The following HMG20A variants were observed in gnomAD, a reference collection of about 807,000 sequenced individuals.
The protein encoded by HMG20A is high mobility group 20A.
HMG20A carries 17 observed loss-of-function variants against 43.9 expected under a neutral mutation model. That is an observed-to-expected ratio of 0.39 (90% CI 0.27 to 0.58). The LOEUF (loss-of-function observed/expected upper bound fraction) is 0.58, where lower values mean the gene tolerates loss of function less well. HMG20A is among the 20% of genes least tolerant of loss of function. The probability of loss-of-function intolerance (pLI) is 0.59; values close to 1 mark genes in which losing one functional copy is unlikely to be tolerated. For missense variants in HMG20A, 341 were observed against 438.2 expected, an observed-to-expected ratio of 0.78 and a Z score of 1.98; for synonymous variants, 132 against 147.5, an observed-to-expected ratio of 0.89 and a Z score of 0.76.
chr15:77,489,959 C>T (rs972385611), downstream of HMG20A, among the ~76,000 whole-genome samples: 1 of 152,138 alleles, frequency 6.6e-6, no homozygotes, highest in African/African-American at 2.4e-5. Flanking sequence ...AACTGAGTGA[C>T]AAGATCTGAT....
At chr15:77,466,769 T>C (rs922095021) in intron 3 of HMG20A, among the ~76,000 whole-genome samples, 2 of 152,206 alleles carry the variant, frequency 1.3e-5, no homozygotes, top group South Asian at 4.1e-4. Context: ...GGGACAGTCA[T>C]ATGCATATGA....
At chr15:77,422,522 A>G (rs564108984) in intron 1 of HMG20A, among the ~76,000 whole-genome samples, 97 of 152,310 alleles carry the variant, frequency 6.4e-4, no homozygotes, top group Non-Finnish European at 1.1e-3. Context: ...AGGCTGAGGC[A>G]GGAGAATTGC....
intron 1 of HMG20A, among the ~76,000 whole-genome samples, chr15:77,457,521 G>T (rs1179477703): frequency 2.0e-5 from 3 of 152,188 alleles, no homozygotes; most frequent in Non-Finnish European, 4.4e-5. Context: ...ACTACATGGG[G>T]TGATGCCCTT....
chr15:77,425,968 G>A (rs1026816940), intron 1 of HMG20A, among the ~76,000 whole-genome samples: 22 of 152,196 alleles, frequency 1.4e-4, no homozygotes, highest in Non-Finnish European at 1.5e-5. Context: ...AATACCTGCT[G>A]TAACATGGAT....
chr15:77,439,863 G>C (rs1200107094), intron 1 of HMG20A, among the ~76,000 whole-genome samples: 1 of 152,010 alleles, frequency 6.6e-6, no homozygotes, highest in Non-Finnish European at 1.5e-5. Context: ...GAGAATTTCA[G>C]TTCCTCTCCA....
the HMG20A span, among the ~76,000 whole-genome samples, chr15:77,490,720 G>A: frequency 6.6e-6 from 1 of 152,170 alleles, no homozygotes; most frequent in African/African-American, 2.4e-5. Context: ...ATGGAGAGAG[G>A]TGCCATGGCC....
At chr15:77,464,637 T>C (rs554790248) in intron 3 of HMG20A, 2 of 327,112 alleles carry the variant, frequency 6.1e-6, no homozygotes, top group East Asian at 6.6e-5. Context: ...GTTGAACAAA[T>C]ACTTGTTGAA....
At chr15:77,516,085 C>G in the HMG20A span, among the ~76,000 whole-genome samples, 1 of 152,186 alleles carries the variant, frequency 6.6e-6, no homozygotes, top group Non-Finnish European at 1.5e-5. Context: ...TTAGGATCCC[C>G]TAGACACTGG....
downstream of HMG20A, among the ~76,000 whole-genome samples, chr15:77,488,545 T>G (rs986019925): frequency 6.6e-6 from 1 of 152,098 alleles, no homozygotes; most frequent in Non-Finnish European, 1.5e-5. Context: ...TAGATCTGAG[T>G]CAGGGTGGGG....
rs1265584427 is a variant in HMG20A at position 77,421,039 on chromosome 15, G to A, written c.-5+35G>A. On this transcript the variant is annotated intron_variant, in intron 1 of 9. Transcript: ENST00000336216. ...CAAGGCGAGCTTGGGGGTGGCCCCA[G>A]TCGAGATGCCCTTCACCCCTTGAAG... is the stretch of plus-strand genomic sequence containing the variant. The A allele has an allele frequency of 1.0e-5, 4 of 398,446 alleles. No homozygotes were observed. The Admixed American group carries it at 1.3e-4, about 13-fold the overall frequency. The allele number at this position is 398,446 out of a possible 1,614,324, so 24.7% of individuals were successfully genotyped here.
the HMG20A span, among the ~76,000 whole-genome samples, chr15:77,512,850 C>T: frequency 6.6e-6 from 1 of 152,020 alleles, no homozygotes; most frequent in Non-Finnish European, 1.5e-5. Context: ...CTGGTAGATA[C>T]CATCTTAGCC....
intron 5 of HMG20A, among the ~76,000 whole-genome samples, chr15:77,471,244 A>G (rs2072805717): frequency 6.6e-6 from 1 of 152,138 alleles, no homozygotes; most frequent in East Asian, 1.9e-4. Flanking sequence ...TTCCGTGTCT[A>G]TTATCAATGA....
the HMG20A span, among the ~76,000 whole-genome samples, chr15:77,504,051 A>T: frequency 4.7e-3 from 713 of 152,328 alleles, 2 homozygotes; most frequent in African/African-American, 0.015. Flanking sequence ...GTGCCTGGGG[A>T]TCTGGAGGAG....
chr15:77,515,993 T>G, the HMG20A span, among the ~76,000 whole-genome samples: 2 of 152,072 alleles, frequency 1.3e-5, no homozygotes, highest in African/African-American at 4.8e-5. Context: ...TGCTGCAAGT[T>G]GCAGATGTGG....
chr15:77,482,026 T>C (rs919205097), intron 9 of HMG20A: 1 of 152,182 alleles, frequency 6.6e-6, no homozygotes, highest in African/African-American at 2.4e-5. Context: ...ACATTTTATA[T>C]ATGAAGAAAC....
At position 77,470,941 on chromosome 15, in the gene HMG20A, A is replaced by AG; in HGVS notation, c.483dup (p.Arg162AlafsTer20). The AG allele has an allele frequency of 6.2e-7, 1 of 1,609,862 alleles. No homozygotes were observed. The highest frequency in any genetic ancestry group is 8.5e-7 in the Non-Finnish European group (1 of 1,178,398). ...CTTGATGAAGCAGACAGAGATAAGG[A>AG]GCGTTACATGAAGGAACTGGAACAG... On this transcript the variant is annotated frameshift_variant, in exon 5 of 10. Transcript: ENST00000336216. LOFTEE classifies it high-confidence loss of function.
the HMG20A span, among the ~76,000 whole-genome samples, chr15:77,507,513 A>C: frequency 6.6e-6 from 1 of 152,316 alleles, no homozygotes; most frequent in African/African-American, 2.4e-5. Flanking sequence ...GGAGAAATCT[A>C]AGTGGGAAAG....
At chr15:77,434,379 CTTCATAAACTCATGAAATTGGAGTTT>C in intron 1 of HMG20A, among the ~76,000 whole-genome samples, 1 of 151,918 alleles carries the variant, frequency 6.6e-6, no homozygotes, top group Admixed American at 6.6e-5. Flanking sequence ...AAATTAAAAA[CTTCATAAACTCATGAAATTGGAGTTT>C]ATGAAATTAA....
At chr15:77,491,095 A>G in the HMG20A span, among the ~76,000 whole-genome samples, 2 of 152,274 alleles carry the variant, frequency 1.3e-5, no homozygotes, top group African/African-American at 4.8e-5. Context: ...AAGCAGCTGA[A>G]TGTTCTAGGA....
Sources: gnomAD v4.1 joint callset for allele counts (sites outside exome capture counted in the v4.1 genomes callset) on GRCh38, gnomAD v4.1.1 for gene constraint, MANE v1.5 for transcripts, NCBI Gene and HGNC (gene_info 2026-07-23, HGNC 2026-07-21) for gene names.